ARHGEF10L: variants seen among roughly 807,000 people sequenced by gnomAD.
ARHGEF10L encodes the protein Rho guanine nucleotide exchange factor 10 like.
Under a neutral mutation model 141.2 loss-of-function variants are expected in ARHGEF10L, and 69 were observed. The ratio of observed to expected loss-of-function variants is 0.49; its 90% CI spans 0.40 to 0.60. ARHGEF10L has a LOEUF of 0.60. Ranked by LOEUF, ARHGEF10L falls within the 20% of genes least tolerant of loss-of-function variation. The pLI, the probability that ARHGEF10L is intolerant of heterozygous loss-of-function variation, is 0.00. For missense variants in ARHGEF10L, 1,482 were observed against 1,734.3 expected (o/e 0.85, Z 2.58); for synonymous variants, 711 against 718.5 (o/e 0.99, Z 0.17).
Position 17,607,831 on chromosome 1 carries a change from G to T in ARHGEF10L, c.463G>T (p.Ala155Ser), listed in dbSNP as rs1038004808. 6.3e-7 allele frequency: 1 copy of T among 1,593,276 alleles called. No individual in the cohort carries two copies. The highest frequency in any genetic ancestry group is 8.5e-7 in the Non-Finnish European group (1 of 1,170,872). ...GAERNLLYEDAHRAGAPRQAE... is the reference protein window; with the variant it reads ...GAERNLLYEDSHRAGAPRQAE... ...AGAGAGGAACCTGCTCTACGAGGATGCGCACCGGGCTGGGGCCCCTCGGCA... is the reference window on the plus strand; with the variant it reads ...AGAGAGGAACCTGCTCTACGAGGATTCGCACCGGGCTGGGGCCCCTCGGCA... Residue 155 changes from alanine (A) to serine (S), a missense_variant, in exon 7 of 29, where the codon GCG becomes TCG. Around this residue, in one of 3 missense-constraint regions of ARHGEF10L, gnomAD observed 232 missense variants for 225.9 expected, o/e 1.03. Transcript: ENST00000361221. This position sits in a 1 kb window ranked among gnomAD's most constrained non-coding sequence, Gnocchi z 4.5.
rs999023478 is a variant in ARHGEF10L at position 17,539,904 on chromosome 1, C to T, written c.-90C>T. On this transcript the variant is annotated 5_prime_UTR_variant, in exon 1 of 29. Coordinates refer to ENST00000361221, the MANE Select transcript of ARHGEF10L (RefSeq NM_018125.4). This position sits in a 1 kb window ranked among gnomAD's most constrained non-coding sequence, Gnocchi z 6.0. ...AGGCGCGGCGCCGGCCGCCAGGCGC[C>T]TTTGTGAGCGGCGCGGACGACAAAG... 6.6e-6 allele frequency: 1 copy of T among 150,830 alleles called. No individual in the cohort carries two copies. Among genetic ancestry groups the T allele is most frequent in the African/African-American group, 2.4e-5 (1 of 41,256 alleles). 9.3% of individuals were successfully genotyped at this position (150,830 alleles called of 1,614,324 possible).
intron 26 of ARHGEF10L, among the ~76,000 whole-genome samples, chr1:17,678,881 C>T (rs951113878): frequency 1.3e-5 from 2 of 152,172 alleles, no homozygotes; most frequent in African/African-American, 4.8e-5. Flanking sequence ...GTAGGCCTTA[C>T]TGTAGGAATT....
chr1:17,689,724 A>G, intron 27 of ARHGEF10L: 1 of 453,980 alleles, frequency 2.2e-6, no homozygotes, highest in South Asian at 1.6e-5. Flanking sequence ...CTATCTCCAC[A>G]TTTCCTCTGA....
intron 22 of ARHGEF10L, among the ~76,000 whole-genome samples, chr1:17,649,577 G>A (rs1258442906): frequency 6.6e-6 from 1 of 152,224 alleles, no homozygotes; most frequent in East Asian, 1.9e-4. Flanking sequence ...CTGAGCACCT[G>A]TTGTGTGCTA....
chr1:17,664,137 C>A (rs2062818333), intron 25 of ARHGEF10L, among the ~76,000 whole-genome samples: 2 of 151,884 alleles, frequency 1.3e-5, no homozygotes, highest in African/African-American at 4.8e-5. Flanking sequence ...GTGCTTACTG[C>A]ATGTGTGCGG....
intron 4 of ARHGEF10L, among the ~76,000 whole-genome samples, chr1:17,597,848 G>A (rs1382232206): frequency 6.6e-6 from 1 of 152,174 alleles, no homozygotes; most frequent in Non-Finnish European, 1.5e-5. Context: ...CCTATGAGTC[G>A]GCTCATCAGG....
intron 1 of ARHGEF10L, among the ~76,000 whole-genome samples, chr1:17,560,749 G>A (rs2077512177): frequency 6.6e-6 from 1 of 152,192 alleles, no homozygotes; most frequent in South Asian, 2.1e-4. Context: ...ATTTTTAGTA[G>A]AGGTGGGGTT....
intron 1 of ARHGEF10L, among the ~76,000 whole-genome samples, chr1:17,568,804 G>T (rs1191275503): frequency 3.9e-5 from 6 of 152,150 alleles, no homozygotes; most frequent in Middle Eastern, 3.2e-3. Flanking sequence ...TTCTCTTGGG[G>T]GATCCTGGTC....
chr1:17,530,954 G>A, the ARHGEF10L span, among the ~76,000 whole-genome samples: 5 of 151,874 alleles, frequency 3.3e-5, no homozygotes, highest in African/African-American at 7.2e-5. Context: ...GCAATGAGCC[G>A]AGATCGTGCC....
At position 17,625,936 on chromosome 1, in the gene ARHGEF10L, C is replaced by T. The variant is rs760177044; in HGVS notation, c.1318-20C>T. On this transcript the variant is annotated intron_variant, in intron 13 of 28. Coordinates refer to ENST00000361221, the MANE Select transcript of ARHGEF10L (RefSeq NM_018125.4). This position sits in a 1 kb window ranked among gnomAD's most constrained non-coding sequence, Gnocchi z 4.5. Reference sequence around the variant, plus strand: ...CTCTCTGCAGGGGGTCAGCGAATGACGGAACCTTGTCTCCACCAGCGACGG... The same window carrying T: ...CTCTCTGCAGGGGGTCAGCGAATGATGGAACCTTGTCTCCACCAGCGACGG... 42 of 1,611,302 alleles carry T rather than the reference C, an allele frequency of 2.6e-5. No homozygotes were observed. Among genetic ancestry groups the T allele is most frequent in the South Asian group, 5.5e-5 (5 of 90,950 alleles).
upstream of ARHGEF10L, among the ~76,000 whole-genome samples, chr1:17,535,931 G>A (rs949468920): frequency 1.6e-4 from 24 of 152,206 alleles, no homozygotes; most frequent in Admixed American, 1.3e-3. Context: ...AGTCCGGGGG[G>A]GAGACATGGG....
intron 1 of ARHGEF10L, among the ~76,000 whole-genome samples, chr1:17,544,485 G>A (rs1341349660): frequency 6.6e-6 from 1 of 151,600 alleles, no homozygotes; most frequent in East Asian, 1.9e-4. Flanking sequence ...AGTAGAGACG[G>A]GGTTTCACCA....
Position 17,603,144 on chromosome 1 carries a change from A to G in ARHGEF10L, c.350-364A>G, listed in dbSNP as rs2080849463. 2.6e-5 allele frequency among the ~76,000 whole-genome samples: 4 copies of G among 151,664 alleles called. No individual in the cohort carries two copies. The South Asian group carries it at 6.2e-4, about 24-fold the overall frequency. ...TAGCACTGCTCAGTGACGAGGGTCTAGCCCCGGGGTCCTGGGTGACTGAGG... is the reference window on the plus strand; with the variant it reads ...TAGCACTGCTCAGTGACGAGGGTCTGGCCCCGGGGTCCTGGGTGACTGAGG... On this transcript the variant is annotated intron_variant, in intron 5 of 28. Transcript: ENST00000361221. This position sits in a 1 kb window ranked among gnomAD's most constrained non-coding sequence, Gnocchi z 4.8.
chr1:17,528,225 G>A, the ARHGEF10L span, among the ~76,000 whole-genome samples: 1 of 151,496 alleles, frequency 6.6e-6, no homozygotes, highest in African/African-American at 2.4e-5. Context: ...TTCTTTATTT[G>A]TTTATTTATT....
chr1:17,588,849 A>AGTGTGTGT (rs57719075), intron 4 of ARHGEF10L, among the ~76,000 whole-genome samples: 1,093 of 20,384 alleles, frequency 0.054, 163 homozygotes, highest in Non-Finnish European at 0.067. Flanking sequence ...GAGGGTCCCC[A>AGTGTGTGT]GTGTGTGTGT....
intron 28 of ARHGEF10L, among the ~76,000 whole-genome samples, chr1:17,696,292 C>G (rs183737963): frequency 6.6e-6 from 1 of 151,860 alleles, no homozygotes; most frequent in Admixed American, 6.6e-5. Context: ...TTTTGTCCAT[C>G]CAGGGGGCAT....
At chr1:17,593,069 A>G (rs2079712219) in intron 4 of ARHGEF10L, among the ~76,000 whole-genome samples, 2 of 151,970 alleles carry the variant, frequency 1.3e-5, no homozygotes, top group South Asian at 4.2e-4. Context: ...CCCTTTGAGG[A>G]CCCCCACAGC....
chr1:17,659,121 G>A (rs2102079131), intron 25 of ARHGEF10L, among the ~76,000 whole-genome samples: 1 of 152,314 alleles, frequency 6.6e-6, no homozygotes, highest in South Asian at 2.1e-4. Context: ...AGGTGGCCAA[G>A]CACTGGGTTC....
chr1:17,620,804 C>G (rs2060067262), intron 10 of ARHGEF10L, among the ~76,000 whole-genome samples: 2 of 152,200 alleles, frequency 1.3e-5, no homozygotes, highest in Admixed American at 1.3e-4. Flanking sequence ...TCACATGTGA[C>G]ACCTCCTGTG....
Sources: allele counts gnomAD v4.1 joint callset (sites outside exome capture counted in the v4.1 genomes callset), GRCh38; gene constraint gnomAD v4.1.1; regional missense constraint gnomAD v4.1.1; non-coding constraint Gnocchi (gnomAD v3.1); transcripts MANE v1.5; gene names NCBI Gene and HGNC (gene_info 2026-07-23, HGNC 2026-07-21).